ANKRD28: variants seen among roughly 807,000 people sequenced by gnomAD.
ANKRD28 encodes serine/threonine-protein phosphatase 6 regulatory ankyrin repeat subunit A.
In ANKRD28, 44 loss-of-function variants were observed where a neutral mutation model predicts 126.5. The ratio of observed to expected loss-of-function variants is 0.35; its 90% CI spans 0.27 to 0.45. ANKRD28 has a LOEUF of 0.45. ANKRD28 is among the 20% of genes least tolerant of loss of function. ANKRD28 has a pLI of 1.00. For synonymous variants in ANKRD28, 442 were observed against 468.5 expected (o/e 0.94, Z 0.73); for missense variants, 1,110 against 1,316.6 (o/e 0.84, Z 2.43).
chr3:15,669,847 T>C lies in ANKRD28; in HGVS notation c.*423A>G, dbSNP rs2066182625. On this transcript the variant is annotated 3_prime_UTR_variant, in exon 28 of 28. Transcript: ENST00000683139. The stretch of plus-strand genomic sequence containing the variant: ...GTTATTTGGTCCTTTTGCAATTTGC[T>C]GTGCACATAATGCCTACTGTACCAA... The C allele has an allele frequency of 6.5e-6, 1 of 155,010 alleles. No individual in the cohort carries two copies. Among genetic ancestry groups the C allele is most frequent in the Non-Finnish European group, 1.4e-5 (1 of 69,636 alleles). The allele number at this position is 155,010 out of a possible 1,614,324, so 9.6% of individuals were successfully genotyped here. A position where few individuals can be genotyped will look rare whatever the true frequency, so the allele number is the denominator to read the frequency against.
At chr3:15,670,688 C>T in intron 27 of ANKRD28, 132 bp from the exon 28 acceptor site, 1 of 952,870 alleles carries the variant, frequency 1.0e-6, no homozygotes, top group Non-Finnish European at 1.5e-6. Flanking sequence ...TTGCTGTAAC[C>T]AGCATGATTC....
rs373987329 is a variant in ANKRD28, at chr3:15,845,578, T to C, written c.27+13799A>G. On this transcript the variant is annotated intron_variant, in intron 1 of 27. Transcript: ENST00000399451. The surrounding 1 kb of genome is among the most constrained non-coding windows in gnomAD (Gnocchi z 4.9). The stretch of plus-strand genomic sequence containing the variant: ...GACTAATACCACACTTGCTATTCTA[T>C]CTGGTTTCAACTCCACTGCTCACTC... Among the ~76,000 whole-genome samples the C allele has an allele frequency of 1.3e-5, 2 of 152,226 alleles. No individual in the cohort carries two copies. Among genetic ancestry groups the C allele is most frequent in the South Asian group, 2.1e-4 (1 of 4,834 alleles).
intron 2 of ANKRD28, among the ~76,000 whole-genome samples, chr3:15,767,820 A>G (rs762935544): frequency 1.0e-4 from 15 of 147,704 alleles, no homozygotes; most frequent in Non-Finnish European, 1.9e-4. Flanking sequence ...CCCGGGAGGC[A>G]GAGCTTGCAG....
chr3:15,681,267 A>C (rs2067517714), intron 21 of ANKRD28, among the ~76,000 whole-genome samples: 1 of 152,238 alleles, frequency 6.6e-6, no homozygotes, highest in Non-Finnish European at 1.5e-5. Flanking sequence ...ACAAAAAAAA[A>C]GTCTGTACAT....
chr3:15,796,679 A>G lies in ANKRD28; in HGVS notation c.-158T>C. The G allele has an allele frequency of 2.0e-6, 2 of 979,420 alleles. No homozygotes were observed. Among genetic ancestry groups the G allele is most frequent in the South Asian group, 4.0e-5 (1 of 24,720 alleles). 60.7% of individuals were successfully genotyped at this position (979,420 alleles called of 1,614,324 possible). A position where few individuals can be genotyped will look rare whatever the true frequency, so the allele number is the denominator to read the frequency against. ...TTTTAAAGTTAATAAGTACTACTGG[A>G]AAAACAAGTTTAAAATTATGACTAC... On this transcript the variant is annotated 5_prime_UTR_variant, in exon 1 of 28. Coordinates refer to ENST00000683139, the MANE Select transcript of ANKRD28 (RefSeq NM_001349278.2).
intron 1 of ANKRD28, among the ~76,000 whole-genome samples, chr3:15,811,666 G>A (rs2060714928): frequency 6.6e-6 from 1 of 151,892 alleles, no homozygotes; most frequent in Non-Finnish European, 1.5e-5. Context: ...TGTTGGCCAG[G>A]ATGGTCTTGA....
chr3:15,806,719 A>G (rs1230263289), intron 1 of ANKRD28, among the ~76,000 whole-genome samples: 1 of 152,026 alleles, frequency 6.6e-6, no homozygotes, highest in African/African-American at 2.4e-5. Context: ...ACAGCGTTTT[A>G]CCATTTTGGC....
At chr3:15,687,749 C>A (rs565049809) in intron 18 of ANKRD28, among the ~76,000 whole-genome samples, 1 of 152,142 alleles carries the variant, frequency 6.6e-6, no homozygotes, top group Non-Finnish European at 1.5e-5. Flanking sequence ...GCTCTCACAG[C>A]TTAGCAACAA....
At chr3:15,857,914 A>G (rs1180278975) in intron 1 of ANKRD28, among the ~76,000 whole-genome samples, 1 of 152,236 alleles carries the variant, frequency 6.6e-6, no homozygotes, top group African/African-American at 2.4e-5. Flanking sequence ...ACAAAGTGCC[A>G]TTTGACTGGT....
rs923164338 is a variant in ANKRD28 at position 15,678,459 on chromosome 3, A to G, written c.2562-105T>C. 23 of 1,052,368 alleles carry G rather than the reference A, an allele frequency of 2.2e-5. No individual in the cohort carries two copies. In the African/African-American group the frequency reaches 3.2e-4, roughly 15 times the overall value. The allele number at this position is 1,052,368 out of a possible 1,614,324, so 65.2% of individuals were successfully genotyped here. ...TGCTGTTTTTAAGGGTTTACATATT[A>G]GGCTACAAAAGCACTGCCTGTACAC... On this transcript the variant is annotated intron_variant, in intron 23 of 27. Coordinates refer to ENST00000683139, the MANE Select transcript of ANKRD28 (RefSeq NM_001349278.2).
intron 14 of ANKRD28, among the ~76,000 whole-genome samples, chr3:15,706,169 C>T (rs2071356923): frequency 6.6e-6 from 1 of 151,862 alleles, no homozygotes. Flanking sequence ...TATACATGTG[C>T]CACGTTGGTG....
chr3:15,721,149 C>T (rs773799475), intron 7 of ANKRD28, 22 bp from the exon 8 acceptor site: 90 of 1,586,522 alleles, frequency 5.7e-5, no homozygotes, highest in Non-Finnish European at 6.5e-5. Context: ...GAAAAAAATG[C>T]GAATGTTAAA....
At chr3:15,836,809 G>C (rs1287330398) in intron 1 of ANKRD28, among the ~76,000 whole-genome samples, 1 of 152,112 alleles carries the variant, frequency 6.6e-6, no homozygotes, top group African/African-American at 2.4e-5. Context: ...AGGCGTGGTG[G>C]CTCACGCCTG....
rs1015575723 is a variant in ANKRD28 at position 15,669,607 on chromosome 3, A to T, written c.*663T>A. The T allele has an allele frequency of 6.6e-6, 1 of 152,164 alleles. No individual in the cohort carries two copies. The allele number at this position is 152,164 out of a possible 1,614,324, so 9.4% of individuals were successfully genotyped here. A position where few individuals can be genotyped will look rare whatever the true frequency, so the allele number is the denominator to read the frequency against. Reference sequence around the variant, plus strand: ...TTTGAAATAGTTCTGTAAAAGAAAAAAATGTAAAAATACATCTGCTTTCTC... The same window carrying T: ...TTTGAAATAGTTCTGTAAAAGAAAATAATGTAAAAATACATCTGCTTTCTC... On this transcript the variant is annotated 3_prime_UTR_variant, in exon 28 of 28. Transcript: ENST00000683139.
intron 3 of ANKRD28, among the ~76,000 whole-genome samples, chr3:15,755,557 T>C (rs1194497712): frequency 5.9e-5 from 9 of 152,176 alleles, no homozygotes; most frequent in Admixed American, 5.9e-4. Flanking sequence ...GGAAAAGACA[T>C]TTCCAGAATA....
intron 14 of ANKRD28, 31 bp from the exon 15 acceptor site, chr3:15,696,276 T>A (rs770899365): frequency 7.2e-7 from 1 of 1,381,912 alleles, no homozygotes; most frequent in Non-Finnish European, 1.0e-6. Flanking sequence ...ATACTGAAAA[T>A]CCTAAATCCT....
chr3:15,747,415 A>G (rs1189758872), intron 4 of ANKRD28, among the ~76,000 whole-genome samples: 1 of 152,164 alleles, frequency 6.6e-6, no homozygotes, highest in Non-Finnish European at 1.5e-5. Context: ...GTTCAGTTCA[A>G]AGAATTTTTC....
intron 1 of ANKRD28, among the ~76,000 whole-genome samples, chr3:15,829,908 AGTT>A (rs2061153466): frequency 6.6e-6 from 1 of 151,410 alleles, no homozygotes; most frequent in South Asian, 2.1e-4. Flanking sequence ...CCATAATGTT[AGTT>A]GTTTTTTCAA....
intron 4 of ANKRD28, among the ~76,000 whole-genome samples, chr3:15,742,772 C>T (rs1190573141): frequency 9.5e-5 from 13 of 137,060 alleles, no homozygotes; most frequent in East Asian, 2.3e-4. Flanking sequence ...GCCCCCCGCC[C>T]GGCCAGCCAC....
Sources: allele counts gnomAD v4.1 joint callset (sites outside exome capture counted in the v4.1 genomes callset), GRCh38; gene constraint gnomAD v4.1.1; non-coding constraint Gnocchi (gnomAD v3.1); transcripts MANE v1.5; gene names NCBI Gene and HGNC (gene_info 2026-07-23, HGNC 2026-07-21).